Variants in CCDC146 observed in about 807,000 individuals in gnomAD.
CCDC146 encodes the protein coiled-coil domain containing 146, also known as coiled-coil domain-containing protein 146.
Under a neutral mutation model 119.3 loss-of-function variants are expected in CCDC146, and 92 were observed. That is an observed-to-expected ratio of 0.77 (90% CI 0.65 to 0.92). The LOEUF (loss-of-function observed/expected upper bound fraction) is 0.92, where lower values mean the gene tolerates loss of function less well. Among genes scored for constraint, CCDC146 ranks in the 40% least tolerant of loss-of-function variants. The probability of loss-of-function intolerance (pLI) is 0.00; values close to 1 mark genes in which losing one functional copy is unlikely to be tolerated. For missense variants in CCDC146, 1,000 were observed against 1,103.0 expected (o/e 0.91, Z 1.32); for synonymous variants, 372 against 371.8 (o/e 1.00, Z -0.01).
intron 1 of CCDC146, among the ~76,000 whole-genome samples, chr7:77,130,567 G>A (rs530133161): frequency 6.1e-4 from 92 of 151,170 alleles, no homozygotes; most frequent in African/African-American, 2.1e-3. Flanking sequence ...AGGACCCAGA[G>A]CTTCATAGCC....
intron 2 of CCDC146, among the ~76,000 whole-genome samples, chr7:77,180,266 C>T (rs997626440): frequency 7.2e-6 from 1 of 139,096 alleles, no homozygotes; most frequent in Non-Finnish European, 1.5e-5. Flanking sequence ...ATATGCACCA[C>T]CATACACAGA....
At chr7:77,214,781 A>G (rs1792265943) in intron 2 of CCDC146, among the ~76,000 whole-genome samples, 1 of 151,912 alleles carries the variant, frequency 6.6e-6, no homozygotes, top group African/African-American at 2.4e-5. Context: ...GTTCTGTTCC[A>G]TCGATCTGTG....
chr7:77,146,921 G>C (rs532742764), intron 1 of CCDC146, among the ~76,000 whole-genome samples: 1 of 152,178 alleles, frequency 6.6e-6, no homozygotes, highest in African/African-American at 2.4e-5. Flanking sequence ...TATCTTTGTG[G>C]CATTCTCTGT....
rs1584028182 is a variant in CCDC146, at chr7:77,153,193, G to A, written c.-11-14465G>A. Among the ~76,000 whole-genome samples the A allele has an allele frequency of 5.3e-5, 8 of 152,288 alleles. 1 individual carries two copies. The South Asian group carries it at 1.7e-3, about 32-fold the overall frequency. On this transcript the variant is annotated intron_variant, in intron 1 of 18. Transcript: ENST00000285871. ...ACCTGGCTAACAGAAATCAGTGGTG[G>A]GAAGCAGTGATAGTCCATATTTCAT...
chr7:77,191,435 A>G (rs545387442), intron 2 of CCDC146, among the ~76,000 whole-genome samples: 13 of 152,256 alleles, frequency 8.5e-5, no homozygotes, highest in Non-Finnish European at 1.8e-4. Flanking sequence ...ATTATTAATC[A>G]CTTTGAATAA....
chr7:77,174,370 T>G (rs1271833138), intron 2 of CCDC146, among the ~76,000 whole-genome samples: 3 of 152,238 alleles, frequency 2.0e-5, no homozygotes, highest in Non-Finnish European at 4.4e-5. Flanking sequence ...GAAGTGGCAG[T>G]GAACTGCAGC....
At chr7:77,261,315 C>T (rs764550313) in intron 8 of CCDC146, among the ~76,000 whole-genome samples, 6 of 152,054 alleles carry the variant, frequency 3.9e-5, no homozygotes, top group Non-Finnish European at 7.3e-5. Context: ...TTGTTCTTCT[C>T]TATGTGTCCA....
chr7:77,229,954 A>G (rs1192102576), intron 2 of CCDC146, among the ~76,000 whole-genome samples: 1 of 152,140 alleles, frequency 6.6e-6, no homozygotes, highest in African/African-American at 2.4e-5. Flanking sequence ...TTCCCCTCAC[A>G]CTAGTTGTCT....
intron 11 of CCDC146, among the ~76,000 whole-genome samples, chr7:77,278,435 A>ATTTTTTTTTTT (rs140968354): frequency 3.9e-5 from 4 of 103,352 alleles, no homozygotes; most frequent in Admixed American, 1.2e-4. Context: ...CCAAGAAATA[A>ATTTTTTTTTTT]TTTTTTTTTT....
At chr7:77,215,190 G>GT (rs34787359) in intron 2 of CCDC146, among the ~76,000 whole-genome samples, 43,959 of 142,322 alleles carry the variant, frequency 0.31, 9,425 homozygotes, top group African/African-American at 0.59. Flanking sequence ...TTTTTTTGGT[G>GT]TTTTTTTTTT....
chr7:77,257,171 G>A (rs1386811090), intron 6 of CCDC146: 1 of 151,850 alleles, frequency 6.6e-6, no homozygotes, highest in Admixed American at 6.6e-5. Flanking sequence ...ACAACCAAAT[G>A]TCCTAACCTC....
At chr7:77,135,288 G>A (rs1240759881) in intron 1 of CCDC146, among the ~76,000 whole-genome samples, 3 of 152,122 alleles carry the variant, frequency 2.0e-5, no homozygotes, top group Non-Finnish European at 4.4e-5. Context: ...AGGAGTTTGA[G>A]ACCAGCCTGG....
chr7:77,240,972 G>GT lies in CCDC146; in HGVS notation c.240-710dup, dbSNP rs146867569. On this transcript the variant is annotated intron_variant, in intron 3 of 18. Coordinates refer to ENST00000285871, the MANE Select transcript of CCDC146 (RefSeq NM_020879.3). ...TTTTTAAATCACGTTGACATTTTTTGTTTTTTTTTGTTTGTTTGTTTGTTT... is the reference window on the plus strand; with the variant it reads ...TTTTTAAATCACGTTGACATTTTTTGTTTTTTTTTTGTTTGTTTGTTTGTTT... 5.5e-3 allele frequency among the ~76,000 whole-genome samples: 598 copies of GT among 108,622 alleles called. 42 individuals are homozygous for GT. The highest frequency in any genetic ancestry group is 8.1e-3 in the African/African-American group (265 of 32,532). The allele number at this position is 108,622 out of a possible 152,430, so 71.3% of individuals were successfully genotyped here. A position where few individuals can be genotyped will look rare whatever the true frequency, so the allele number is the denominator to read the frequency against.
At chr7:77,158,648 T>C (rs3095459) in intron 1 of CCDC146, among the ~76,000 whole-genome samples, 62,515 of 151,718 alleles carry the variant, frequency 0.41, 14,517 homozygotes, top group Non-Finnish European at 0.51. Context: ...GCCTCCTGAG[T>C]AGCTGGGATT....
At chr7:77,249,644 G>A (rs1793021128) in intron 4 of CCDC146, among the ~76,000 whole-genome samples, 2 of 151,914 alleles carry the variant, frequency 1.3e-5, no homozygotes, top group East Asian at 3.9e-4. Context: ...TTTAATGTTA[G>A]CATGGCATAT....
At position 77,274,567 on chromosome 7, in the gene CCDC146, A is replaced by T; in HGVS notation, c.1355A>T (p.Lys452Ile). The change falls in exon 11 of 19, where the codon AAA (lysine) becomes ATA (isoleucine). Residue 452 changes from lysine to isoleucine, a missense_variant. Coordinates refer to ENST00000285871, the MANE Select transcript of CCDC146 (RefSeq NM_020879.3). ...NKLLKEQENMKELVVNLLRMT... is the reference protein window; with the variant it reads ...NKLLKEQENMIELVVNLLRMT... ...CTTTTAAAGGAGCAAGAAAACATGA[A>T]AGAGCTAGTAGTCAACCTTCTCCGC... 1 of 1,613,398 alleles carries T rather than the reference A, an allele frequency of 6.2e-7. No individual in the cohort carries two copies. Among genetic ancestry groups the T allele is most frequent in the Non-Finnish European group, 8.5e-7 (1 of 1,179,530 alleles).
chr7:77,140,809 T>A lies in CCDC146; in HGVS notation c.-12+18077T>A, dbSNP rs532886289. On this transcript the variant is annotated intron_variant, in intron 1 of 18. Transcript: ENST00000285871. ...ATGTCAAATCTCACATTATTTTTAGTAGACACGTTGATATATTGATATCAA... is the reference window on the plus strand; with the variant it reads ...ATGTCAAATCTCACATTATTTTTAGAAGACACGTTGATATATTGATATCAA... 5.3e-5 allele frequency among the ~76,000 whole-genome samples: 8 copies of A among 152,364 alleles called. No homozygotes were observed. In the South Asian group the frequency reaches 8.3e-4, roughly 16 times the overall value.
At chr7:77,287,163 A>G in intron 16 of CCDC146, 1 of 607,522 alleles carries the variant, frequency 1.6e-6, no homozygotes, top group South Asian at 2.1e-5. Flanking sequence ...CATGACCCAA[A>G]GGAGTAATTT....
At chr7:77,213,539 A>G (rs1262675070) in intron 2 of CCDC146, among the ~76,000 whole-genome samples, 1 of 152,202 alleles carries the variant, frequency 6.6e-6, no homozygotes, top group Non-Finnish European at 1.5e-5. Context: ...GGTATACTGC[A>G]TAATGTTGGG....
Sources: allele counts gnomAD v4.1 joint callset (sites outside exome capture counted in the v4.1 genomes callset), GRCh38; gene constraint gnomAD v4.1.1; transcripts MANE v1.5; gene names NCBI Gene and HGNC (gene_info 2026-07-23, HGNC 2026-07-21).